ITGB6: variants seen among roughly 807,000 people sequenced by gnomAD.
The protein encoded by ITGB6 is integrin beta-6.
In ITGB6, 80 loss-of-function variants were observed where a neutral mutation model predicts 84.5. The ratio of observed to expected loss-of-function variants is 0.95; its 90% CI spans 0.79 to 1.14. The LOEUF is 1.14. Among genes scored for constraint, ITGB6 ranks in the 50% most tolerant of loss-of-function variants. The probability of loss-of-function intolerance (pLI) is 0.00; values close to 1 mark genes in which losing one functional copy is unlikely to be tolerated. For synonymous variants in ITGB6, 383 were observed against 354.9 expected (o/e 1.08, Z -0.89); for missense variants, 1,006 against 968.0 (o/e 1.04, Z -0.52).
intron 4 of ITGB6, among the ~76,000 whole-genome samples, chr2:160,177,546 G>A (rs1292961728): frequency 1.3e-5 from 2 of 151,474 alleles, no homozygotes; most frequent in African/African-American, 2.4e-5. Flanking sequence ...ACTCCAGCCT[G>A]GGCGATAGAG....
Position 160,138,751 on chromosome 2 carries a change from C to T in ITGB6, c.1108-552G>A, listed in dbSNP as rs1683873117. ...GCTTCATTGATAACAAATTTACACC[C>T]TGCTGCTCTGTTTTGGTACATTTCT... On this transcript the variant is annotated intron_variant, in intron 8 of 14. Coordinates refer to ENST00000283249, the MANE Select transcript of ITGB6 (RefSeq NM_000888.5). 3.9e-5 allele frequency among the ~76,000 whole-genome samples: 6 copies of T among 152,330 alleles called. No homozygotes were observed. In the South Asian group the frequency reaches 1.2e-3, roughly 32 times the overall value.
At chr2:160,172,375 T>A (rs1685240072) in intron 6 of ITGB6, among the ~76,000 whole-genome samples, 194 bp downstream of exon 6, 1 of 152,198 alleles carries the variant, frequency 6.6e-6, no homozygotes, top group Admixed American at 6.5e-5. Context: ...TTCCCACATG[T>A]CCCACCGTCC....
chr2:160,111,626 A>C (rs1682520013), intron 13 of ITGB6, among the ~76,000 whole-genome samples: 3 of 129,940 alleles, frequency 2.3e-5, no homozygotes, highest in East Asian at 2.2e-4. Flanking sequence ...GCAGAGTCTC[A>C]CTCTGTGCAG....
intron 5 of ITGB6, among the ~76,000 whole-genome samples, chr2:160,173,499 TCAGA>T (rs1449184764): frequency 1.3e-5 from 2 of 152,202 alleles, no homozygotes; most frequent in East Asian, 3.8e-4. Context: ...TGGATACTTG[TCAGA>T]CAGTCAAGGA....
intron 7 of ITGB6, among the ~76,000 whole-genome samples, chr2:160,150,178 A>T (rs1287196691): frequency 2.0e-5 from 3 of 152,242 alleles, no homozygotes; most frequent in Non-Finnish European, 2.9e-5. Flanking sequence ...AGTTGAAATG[A>T]ATGAAAAAGT....
chr2:160,186,278 A>G (rs1685892039), intron 4 of ITGB6, among the ~76,000 whole-genome samples: 1 of 151,832 alleles, frequency 6.6e-6, no homozygotes, highest in South Asian at 2.1e-4. Flanking sequence ...TTTCCAAAAA[A>G]AAAAAAAACA....
chr2:160,143,682 A>G (rs1208024947), intron 7 of ITGB6, among the ~76,000 whole-genome samples: 3 of 152,352 alleles, frequency 2.0e-5, no homozygotes, highest in Admixed American at 6.5e-5. Context: ...TAGTTCAAAC[A>G]TAATGATATT....
intron 13 of ITGB6, among the ~76,000 whole-genome samples, chr2:160,111,178 T>A (rs1422858920): frequency 1.3e-5 from 2 of 152,106 alleles, no homozygotes; most frequent in Non-Finnish European, 2.9e-5. Flanking sequence ...GTCTCTGAAT[T>A]AAAAGCAGGA....
At chr2:160,112,431 T>C (rs570364197) in intron 12 of ITGB6, among the ~76,000 whole-genome samples, 2 of 152,212 alleles carry the variant, frequency 1.3e-5, no homozygotes, top group South Asian at 4.1e-4. Context: ...CAAATGTGCC[T>C]ATCAAACGGA....
chr2:160,104,799 G>T (rs1023068099), intron 14 of ITGB6, among the ~76,000 whole-genome samples: 2 of 152,182 alleles, frequency 1.3e-5, no homozygotes, highest in South Asian at 4.1e-4. Flanking sequence ...ATATGTGGGG[G>T]TGGGCATTAT....
intron 6 of ITGB6, among the ~76,000 whole-genome samples, chr2:160,171,553 T>C (rs1336889892): frequency 1.3e-5 from 2 of 152,146 alleles, no homozygotes; most frequent in Non-Finnish European, 2.9e-5. Context: ...GCCAGGATGG[T>C]CTCCATCTCC....
chr2:160,158,499 C>T (rs2105848903), intron 7 of ITGB6, among the ~76,000 whole-genome samples: 1 of 152,316 alleles, frequency 6.6e-6, no homozygotes, highest in South Asian at 2.1e-4. Context: ...TTCAGATCTT[C>T]TCTTAATAAG....
chr2:160,119,380 A>T (rs974464852), intron 12 of ITGB6, among the ~76,000 whole-genome samples: 1 of 152,120 alleles, frequency 6.6e-6, no homozygotes, highest in African/African-American at 2.4e-5. Context: ...CAACTATCTG[A>T]TCTTTGACAA....
At chr2:160,146,566 T>A (rs1454622078) in intron 7 of ITGB6, among the ~76,000 whole-genome samples, 4 of 152,234 alleles carry the variant, frequency 2.6e-5, no homozygotes, top group African/African-American at 9.6e-5. Flanking sequence ...GAATATATGA[T>A]GTCATATAAT....
intron 8 of ITGB6, among the ~76,000 whole-genome samples, chr2:160,139,599 T>C (rs1208242176): frequency 6.6e-6 from 1 of 152,226 alleles, no homozygotes; most frequent in Non-Finnish European, 1.5e-5. Flanking sequence ...GTGGATGACA[T>C]GATCTGACCT....
chr2:160,132,327 GA>G (rs1225228879), intron 10 of ITGB6, among the ~76,000 whole-genome samples: 1 of 152,008 alleles, frequency 6.6e-6, no homozygotes, highest in Admixed American at 6.5e-5. Flanking sequence ...TCACTCTCTG[GA>G]GGGAAAAAAG....
rs1417629826 is a variant in ITGB6 at position 160,100,947 on chromosome 2, G to C, written c.*789C>G. The stretch of plus-strand genomic sequence containing the variant: ...GGTTTAAAAGACTGTGCAACTGAGT[G>C]AAATGGATTGAGAAATATGGGAGAA... On this transcript the variant is annotated 3_prime_UTR_variant, in exon 15 of 15. Transcript: ENST00000283249. 6.6e-6 allele frequency: 1 copy of C among 152,148 alleles called. No individual in the cohort carries two copies. The highest frequency in any genetic ancestry group is 2.4e-5 in the African/African-American group (1 of 41,424). The allele number at this position is 152,148 out of a possible 1,614,324, so 9.4% of individuals were successfully genotyped here.
At chr2:160,125,980 G>A (rs902543847) in intron 11 of ITGB6, among the ~76,000 whole-genome samples, 1 of 152,152 alleles carries the variant, frequency 6.6e-6, no homozygotes, top group African/African-American at 2.4e-5. Flanking sequence ...TAAACTTCTA[G>A]ATAAGAAAGA....
intron 7 of ITGB6, among the ~76,000 whole-genome samples, chr2:160,157,587 C>G (rs1043929992): frequency 2.0e-5 from 3 of 151,876 alleles, no homozygotes; most frequent in African/African-American, 7.3e-5. Context: ...TATATATGAA[C>G]TTACAGATTA....
Sources: allele counts gnomAD v4.1 joint callset (sites outside exome capture counted in the v4.1 genomes callset), GRCh38; gene constraint gnomAD v4.1.1; transcripts MANE v1.5; gene names NCBI Gene and HGNC (gene_info 2026-07-23, HGNC 2026-07-21).